Variants in RBMS3 observed in about 807,000 individuals in gnomAD.
RBMS3 encodes RNA-binding motif, single-stranded-interacting protein 3.
Under a neutral mutation model 66.8 loss-of-function variants are expected in RBMS3, and 27 were observed. The ratio of observed to expected loss-of-function variants is 0.40; its 90% confidence interval spans 0.30 to 0.56. The LOEUF is 0.56. Ranked by LOEUF, RBMS3 falls within the 20% of genes least tolerant of loss-of-function variation. The pLI, the probability that RBMS3 is intolerant of heterozygous loss-of-function variation, is 0.40. For synonymous variants in RBMS3, 188 were observed against 183.0 expected (o/e 1.03, Z -0.22); for missense variants, 513 against 549.5 (o/e 0.93, Z 0.66).
intron 10 of RBMS3, among the ~76,000 whole-genome samples, chr3:29,923,180 T>G (rs1340285084): frequency 6.6e-6 from 1 of 152,210 alleles, no homozygotes; most frequent in East Asian, 1.9e-4. Context: ...TTCAAGGAAG[T>G]GATCAGGGCT....
At chr3:29,613,795 T>A (rs2149137682) in intron 4 of RBMS3, among the ~76,000 whole-genome samples, 1 of 152,234 alleles carries the variant, frequency 6.6e-6, no homozygotes, top group South Asian at 2.1e-4. Flanking sequence ...CATAATGTGA[T>A]ATCACCTCAT....
intron 1 of RBMS3, among the ~76,000 whole-genome samples, chr3:29,324,214 G>C (rs2035183432): frequency 6.6e-6 from 1 of 152,232 alleles, no homozygotes; most frequent in Admixed American, 6.5e-5. Flanking sequence ...CCTCAGGAAG[G>C]ACCCAGTTAG....
intron 1 of RBMS3, among the ~76,000 whole-genome samples, chr3:29,306,442 T>C (rs736357): frequency 0.52 from 79,352 of 151,850 alleles, 21,303 homozygotes; most frequent in Middle Eastern, 0.59. Context: ...TTAGTTAACC[T>C]AGTTGGCTTT....
chr3:29,980,369 G>A lies in RBMS3; in HGVS notation c.1099-7774G>A, dbSNP rs140707335. Among the ~76,000 whole-genome samples the A allele has an allele frequency of 2.8e-3, 428 of 152,178 alleles. 4 individuals carry two copies. The highest frequency in any genetic ancestry group is 9.8e-3 in the African/African-American group (405 of 41,528). ...ATGGATAGACTGCAAAAATTTGCTCGCATTCTGTAGGTCGCGTGTTCACTC... is the reference window on the plus strand; with the variant it reads ...ATGGATAGACTGCAAAAATTTGCTCACATTCTGTAGGTCGCGTGTTCACTC... On this transcript the variant is annotated intron_variant, in intron 12 of 14. Transcript: ENST00000383767.
At chr3:29,419,766 A>G (rs1441276504) in intron 1 of RBMS3, among the ~76,000 whole-genome samples, 1 of 152,208 alleles carries the variant, frequency 6.6e-6, no homozygotes, top group Admixed American at 6.5e-5. Context: ...AGAGCGATGC[A>G]TATGTAAGTT....
chr3:29,485,670 A>G (rs1279229642), intron 2 of RBMS3, among the ~76,000 whole-genome samples: 2 of 152,198 alleles, frequency 1.3e-5, no homozygotes, highest in Non-Finnish European at 2.9e-5. Context: ...AAGGAAGTAG[A>G]CTGTGGATAG....
At chr3:29,917,342 A>G (rs754963777) in intron 10 of RBMS3, among the ~76,000 whole-genome samples, 14 of 152,068 alleles carry the variant, frequency 9.2e-5, no homozygotes, top group Non-Finnish European at 1.8e-4. Flanking sequence ...TCCTTCCTTC[A>G]AGACGCTTAG....
chr3:29,473,046 G>A (rs1210090732), intron 2 of RBMS3, among the ~76,000 whole-genome samples: 1 of 145,900 alleles, frequency 6.9e-6, no homozygotes, highest in Admixed American at 7.0e-5. Flanking sequence ...AGTGTAGATT[G>A]GTGCATTCAC....
intron 4 of RBMS3, among the ~76,000 whole-genome samples, chr3:29,684,777 TGTAC>T (rs1456875290): frequency 1.0e-4 from 12 of 116,922 alleles, no homozygotes; most frequent in Admixed American, 2.6e-4. Context: ...AGGTTTGTTA[TGTAC>T]ACACACACAC....
intron 1 of RBMS3, among the ~76,000 whole-genome samples, chr3:29,321,902 C>G (rs561894226): frequency 3.9e-5 from 6 of 152,070 alleles, no homozygotes; most frequent in Non-Finnish European, 7.4e-5. Flanking sequence ...TAAATGGTTT[C>G]CTTTTAAGAA....
chr3:29,388,726 C>T (rs1266937410), intron 1 of RBMS3, among the ~76,000 whole-genome samples: 5 of 152,284 alleles, frequency 3.3e-5, no homozygotes, highest in Non-Finnish European at 4.4e-5. Context: ...CCACTATGCC[C>T]AGCTAATTTT....
At chr3:29,491,154 G>A (rs2043527715) in intron 3 of RBMS3, among the ~76,000 whole-genome samples, 1 of 152,104 alleles carries the variant, frequency 6.6e-6, no homozygotes, top group Non-Finnish European at 1.5e-5. Context: ...GGGCGGTCAG[G>A]GTCTCCATAA....
intron 12 of RBMS3, among the ~76,000 whole-genome samples, chr3:29,949,225 A>G (rs1399339465): frequency 6.6e-6 from 1 of 151,004 alleles, no homozygotes; most frequent in Admixed American, 6.6e-5. Flanking sequence ...TTTTCAGAGG[A>G]TGGGATAGGT....
intron 2 of RBMS3, among the ~76,000 whole-genome samples, chr3:29,451,679 A>T (rs182005530): frequency 5.3e-4 from 81 of 152,236 alleles, no homozygotes; most frequent in Admixed American, 5.3e-3. Context: ...GGATGCTGTC[A>T]CTTTTTTTCA....
At chr3:29,609,805 G>A (rs1459008822) in intron 4 of RBMS3, among the ~76,000 whole-genome samples, 1 of 152,020 alleles carries the variant, frequency 6.6e-6, no homozygotes, top group Non-Finnish European at 1.5e-5. Flanking sequence ...AATAAGGTGT[G>A]TATATGTCAG....
In RBMS3 at chr3:29,868,983, C is replaced by T. The variant is rs897469981; in HGVS notation, c.744+19C>T. The T allele has an allele frequency of 6.4e-7, 1 of 1,554,878 alleles. No individual in the cohort carries two copies. Among genetic ancestry groups the T allele is most frequent in the African/African-American group, 1.4e-5 (1 of 73,022 alleles). On this transcript the variant is annotated intron_variant, in intron 7 of 14. Transcript: ENST00000383767. ...AGGAGAGGTGAGTCCTGACTGATAA[C>T]ATTTGCTCTGAAATTTGGCAGTAGA...
In RBMS3 at chr3:29,800,178, A is replaced by T. The variant is rs1266915588; in HGVS notation, c.637+37189A>T. Among the ~76,000 whole-genome samples the T allele has an allele frequency of 2.0e-5, 3 of 152,102 alleles. 1 individual carries two copies. Among genetic ancestry groups the T allele is most frequent in the Admixed American group, 2.0e-4 (3 of 15,262 alleles). On this transcript the variant is annotated intron_variant, in intron 6 of 14. Coordinates refer to ENST00000383767, the MANE Select transcript of RBMS3 (RefSeq NM_001003793.3). ...GTTTTATTCACTCCCTGCCCTTTTG[A>T]ACTCTGTTAACTGATTATCTAAATG... is the stretch of plus-strand genomic sequence containing the variant.
intron 6 of RBMS3, among the ~76,000 whole-genome samples, chr3:29,773,442 G>T (rs1372139798): frequency 6.6e-6 from 1 of 152,028 alleles, no homozygotes; most frequent in Non-Finnish European, 1.5e-5. Flanking sequence ...TAGCAAGATT[G>T]GGAGGCTGTA....
At chr3:29,693,255 G>A (rs920956031) in intron 4 of RBMS3, among the ~76,000 whole-genome samples, 5 of 152,168 alleles carry the variant, frequency 3.3e-5, no homozygotes, top group Non-Finnish European at 7.4e-5. Context: ...GATGTGTGAT[G>A]CTGTACAGAG....
Sources: gnomAD v4.1 joint callset for allele counts (sites outside exome capture counted in the v4.1 genomes callset) on GRCh38, gnomAD v4.1.1 for gene constraint, MANE v1.5 for transcripts, NCBI Gene and HGNC (gene_info 2026-07-23, HGNC 2026-07-21) for gene names.